The following FHIT variants were observed in gnomAD, a reference collection of about 807,000 sequenced individuals.
FHIT encodes fragile histidine triad diadenosine triphosphatase.
FHIT carries 19 observed loss-of-function variants against 17.9 expected under a neutral mutation model. The observed-to-expected ratio is 1.06, with a 90% CI of 0.74 to 1.56. The LOEUF is 1.56. FHIT is among the 40% of genes most tolerant of loss of function. The pLI is 0.00. For synonymous variants in FHIT, 81 were observed against 69.7 expected (o/e 1.16, Z -0.81); for missense variants, 248 against 189.2 (o/e 1.31, Z -1.82).
At chr3:59,885,747 T>C (rs576442307) in intron 8 of FHIT, among the ~76,000 whole-genome samples, 3 of 152,256 alleles carry the variant, frequency 2.0e-5, no homozygotes, top group South Asian at 2.1e-4. Flanking sequence ...TCAAGGCATG[T>C]ATAAAGGACA....
chr3:60,779,782 T>G (rs1242354599), intron 4 of FHIT, among the ~76,000 whole-genome samples: 2 of 152,052 alleles, frequency 1.3e-5, no homozygotes, highest in East Asian at 3.9e-4. Flanking sequence ...CAACAGAAGT[T>G]AAAAGGCACA....
intron 4 of FHIT, among the ~76,000 whole-genome samples, chr3:60,809,854 A>T (rs1427272219): frequency 6.6e-6 from 1 of 152,132 alleles, no homozygotes; most frequent in Non-Finnish European, 1.5e-5. Flanking sequence ...GTCTCTCTCA[A>T]CCCTGGCTCA....
intron 3 of FHIT, among the ~76,000 whole-genome samples, chr3:60,831,819 C>T (rs1018110850): frequency 4.6e-5 from 7 of 152,050 alleles, no homozygotes; most frequent in African/African-American, 1.7e-4. Context: ...AGAGCCCAAC[C>T]CTTAACCACT....
chr3:60,654,049 T>G (rs2040059091), intron 4 of FHIT, among the ~76,000 whole-genome samples: 1 of 152,080 alleles, frequency 6.6e-6, no homozygotes, highest in Non-Finnish European at 1.5e-5. Flanking sequence ...TGGTTTAAAA[T>G]TGTGTAGCAC....
chr3:60,721,488 A>G (rs1553708039), intron 4 of FHIT, among the ~76,000 whole-genome samples: 1 of 152,132 alleles, frequency 6.6e-6, no homozygotes, highest in East Asian at 1.9e-4. Context: ...ATTATAACCT[A>G]CCAAGTCAGA....
intron 5 of FHIT, among the ~76,000 whole-genome samples, chr3:60,277,487 C>A (rs1328196742): frequency 6.6e-6 from 1 of 152,166 alleles, no homozygotes; most frequent in Admixed American, 6.5e-5. Context: ...GCAGCTCCAT[C>A]TTCCCTTTTC....
intron 3 of FHIT, among the ~76,000 whole-genome samples, chr3:60,892,864 A>C (rs1298063009): frequency 2.0e-5 from 3 of 152,236 alleles, no homozygotes; most frequent in Non-Finnish European, 4.4e-5. Flanking sequence ...AAATACAACT[A>C]TGTTAAAATA....
chr3:60,210,524 C>T (rs1482231612), intron 5 of FHIT, among the ~76,000 whole-genome samples: 1 of 350 alleles, frequency 2.9e-3, no homozygotes, highest in Admixed American at 0.045. Flanking sequence ...TAAAAATCCC[C>T]AATATACACC....
chr3:60,727,864 C>T (rs1553710006), intron 4 of FHIT, among the ~76,000 whole-genome samples: 1 of 152,084 alleles, frequency 6.6e-6, no homozygotes, highest in Non-Finnish European at 1.5e-5. Context: ...ATTAGCTGGG[C>T]ATGGTGGCGG....
In FHIT at chr3:60,646,174, G is replaced by T. The variant is rs1049603155; in HGVS notation, c.-17-109195C>A. On this transcript the variant is annotated intron_variant, in intron 4 of 9. Coordinates refer to ENST00000492590, the MANE Select transcript of FHIT (RefSeq NM_002012.4). Reference sequence around the variant, plus strand: ...CTGCATTTAAAGGCTACTTAGCAGTGTTTGCAGCTAGGAGAACAGATAATT... The same window carrying T: ...CTGCATTTAAAGGCTACTTAGCAGTTTTTGCAGCTAGGAGAACAGATAATT... 2.0e-5 allele frequency among the ~76,000 whole-genome samples: 3 copies of T among 152,166 alleles called. No individual in the cohort carries two copies. The East Asian group carries it at 5.8e-4, about 29-fold the overall frequency.
chr3:60,901,381 T>C (rs1278021069), intron 3 of FHIT, among the ~76,000 whole-genome samples: 1 of 152,212 alleles, frequency 6.6e-6, no homozygotes, highest in East Asian at 1.9e-4. Context: ...ACAAATAACA[T>C]AACAATGACT....
intron 4 of FHIT, among the ~76,000 whole-genome samples, chr3:60,596,538 C>G (rs782706268): frequency 7.9e-5 from 12 of 152,164 alleles, no homozygotes; most frequent in Non-Finnish European, 1.2e-4. Flanking sequence ...CCAAAACAGA[C>G]AAGATTGAGG....
chr3:59,997,711 A>G (rs1195169196), intron 7 of FHIT, among the ~76,000 whole-genome samples: 3 of 152,186 alleles, frequency 2.0e-5, no homozygotes, highest in Non-Finnish European at 4.4e-5. Context: ...TAGTAATGTA[A>G]TGACCTTGGG....
At chr3:61,241,964 A>G (rs1048955837) in intron 1 of FHIT, among the ~76,000 whole-genome samples, 1 of 152,204 alleles carries the variant, frequency 6.6e-6, no homozygotes, top group African/African-American at 2.4e-5. Flanking sequence ...GTATGGAGTG[A>G]ACAGACCAGA....
At chr3:60,124,007 T>TAGAG (rs1559653690) in intron 5 of FHIT, among the ~76,000 whole-genome samples, 23 of 17,776 alleles carry the variant, frequency 1.3e-3, no homozygotes, top group Non-Finnish European at 2.0e-3. Context: ...TATATATATA[T>TAGAG]ATAGAGAGAG....
At chr3:60,514,413 A>T (rs2107550086) in intron 5 of FHIT, among the ~76,000 whole-genome samples, 1 of 152,334 alleles carries the variant, frequency 6.6e-6, no homozygotes, top group Non-Finnish European at 1.5e-5. Flanking sequence ...AGTGGCCAGC[A>T]GTGGGCTGAG....
At chr3:60,195,300 A>C (rs1200363170) in intron 5 of FHIT, among the ~76,000 whole-genome samples, 1 of 152,006 alleles carries the variant, frequency 6.6e-6, no homozygotes, top group Non-Finnish European at 1.5e-5. Flanking sequence ...ACATTTATAC[A>C]CTTCTGGTGG....
intron 5 of FHIT, among the ~76,000 whole-genome samples, chr3:60,079,487 C>T (rs1454257383): frequency 6.6e-6 from 1 of 152,018 alleles, no homozygotes; most frequent in African/African-American, 2.4e-5. Flanking sequence ...CCTCCCTCTG[C>T]TCCCTGCTCC....
At chr3:59,871,228 C>T (rs1399394097) in intron 8 of FHIT, among the ~76,000 whole-genome samples, 1 of 152,134 alleles carries the variant, frequency 6.6e-6, no homozygotes, top group Non-Finnish European at 1.5e-5. Context: ...CTGAGGAAGT[C>T]ACCTCTGCAG....
Sources: allele counts gnomAD v4.1 joint callset (sites outside exome capture counted in the v4.1 genomes callset), GRCh38; gene constraint gnomAD v4.1.1; transcripts MANE v1.5; gene names NCBI Gene and HGNC (gene_info 2026-07-23, HGNC 2026-07-21).